CHID1: variants seen among roughly 807,000 people sequenced by gnomAD.
The protein encoded by CHID1 is chitinase domain-containing protein 1.
In CHID1, 44 loss-of-function variants were observed where a neutral mutation model predicts 55.4. That is an observed-to-expected ratio of 0.79 (90% CI 0.62 to 1.02). The LOEUF is 1.02. CHID1 is among the 50% of genes least tolerant of loss of function. The pLI, the probability that CHID1 is intolerant of heterozygous loss-of-function variation, is 0.00. For synonymous variants in CHID1, 216 were observed against 212.9 expected (o/e 1.01, Z -0.13); for missense variants, 491 against 515.3 (o/e 0.95, Z 0.46).
At chr11:890,027 C>T (rs560929192) in intron 8 of CHID1, among the ~76,000 whole-genome samples, 7 of 152,284 alleles carry the variant, frequency 4.6e-5, no homozygotes, top group South Asian at 4.1e-4. Context: ...AGGCCTAGCC[C>T]GCTCCCCATG....
In CHID1 at chr11:877,891, G is replaced by A. The variant is rs559319444; in HGVS notation, c.959+5257C>T. ...CCTTTAGAAGGTGACTGGGTCATGA[G>A]GGCTCCGCCCTGGTGAACGGATTAA... On this transcript the variant is annotated intron_variant, in intron 10 of 12. Transcript: ENST00000323578. Among the ~76,000 whole-genome samples, 7 of 152,330 alleles carry A rather than the reference G, an allele frequency of 4.6e-5. No homozygotes were observed. The South Asian group carries it at 1.4e-3, about 32-fold the overall frequency.
intron 10 of CHID1, among the ~76,000 whole-genome samples, chr11:877,477 C>G (rs1849592972): frequency 6.6e-6 from 1 of 152,310 alleles, no homozygotes; most frequent in Non-Finnish European, 1.5e-5. Flanking sequence ...AACCCCTGGG[C>G]TCAAGCAATC....
chr11:908,678 C>A, intron 1 of CHID1: 4 of 926,686 alleles, frequency 4.3e-6, no homozygotes, highest in Non-Finnish European at 5.2e-6. Flanking sequence ...GAATGAAAAA[C>A]CAAACGGTGG....
intron 8 of CHID1, among the ~76,000 whole-genome samples, chr11:886,194 T>G: frequency 7.0e-6 from 1 of 142,330 alleles, no homozygotes; most frequent in African/African-American, 2.6e-5. Context: ...GTGTGATGGC[T>G]CACACCTGTA....
intron 5 of CHID1, among the ~76,000 whole-genome samples, 179 bp downstream of exon 5, chr11:900,757 A>C (rs984860551): frequency 3.3e-5 from 5 of 152,348 alleles, no homozygotes; most frequent in South Asian, 2.1e-4. Context: ...TCAGGACTCC[A>C]GCCAGACTAA....
chr11:869,806 C>T lies in CHID1; in HGVS notation c.*52G>A. On this transcript the variant is annotated 3_prime_UTR_variant, in exon 13 of 13. Coordinates refer to ENST00000323578, the MANE Select transcript of CHID1 (RefSeq NM_023947.4). ...GGCCTGTATTTCACACCTGCTCACT[C>T]ACTCCATGGCTTAGAAAAGAACACG... The T allele has an allele frequency of 6.6e-7, 1 of 1,510,034 alleles. No individual in the cohort carries two copies. Among genetic ancestry groups the T allele is most frequent in the East Asian group, 2.3e-5 (1 of 44,276 alleles). 93.5% of individuals were successfully genotyped at this position (1,510,034 alleles called of 1,614,324 possible). A position where few individuals can be genotyped will look rare whatever the true frequency, so the allele number is the denominator to read the frequency against.
chr11:877,023 C>T (rs1163018031), intron 10 of CHID1, among the ~76,000 whole-genome samples: 1 of 152,130 alleles, frequency 6.6e-6, no homozygotes, highest in South Asian at 2.1e-4. Flanking sequence ...AACAAGGGCA[C>T]TTCGGGTGGG....
At chr11:880,462 G>A (rs536079296) in intron 10 of CHID1, among the ~76,000 whole-genome samples, 6 of 152,206 alleles carry the variant, frequency 3.9e-5, no homozygotes, top group Non-Finnish European at 7.3e-5. Flanking sequence ...TGCACGTAGA[G>A]TGTCGGGGGA....
Position 879,125 on chromosome 11 carries a change from T to C in CHID1, c.959+4023A>G, listed in dbSNP as rs192787147. On this transcript the variant is annotated intron_variant, in intron 10 of 12. Transcript: ENST00000323578. ...CCTCCCAAAGTGCTGGGATTACAGG[T>C]GTGAGCCACAGTGTCCGGTCACACC... is the stretch of plus-strand genomic sequence containing the variant. Among the ~76,000 whole-genome samples the C allele has an allele frequency of 2.2e-3, 330 of 152,278 alleles. 2 individuals are homozygous for C. The highest frequency in any genetic ancestry group is 7.7e-3 in the African/African-American group (318 of 41,554).
At chr11:902,925 C>T in intron 3 of CHID1, 37 bp downstream of exon 3, 5 of 1,596,046 alleles carry the variant, frequency 3.1e-6, no homozygotes, top group Non-Finnish European at 4.3e-6. Flanking sequence ...ACCTGAGCCT[C>T]AGGACCTCCC....
Position 868,449 on chromosome 11 carries a change from C to G in CHID1, c.*1409G>C, listed in dbSNP as rs1158372492. On this transcript the variant is annotated 3_prime_UTR_variant, in exon 13 of 13. Transcript: ENST00000323578. The stretch of plus-strand genomic sequence containing the variant: ...AGAGACGGGGTTTCACCATGTTGCC[C>G]AGCGTTCCTCCCGCCACGGCTTTCC... 1 of 152,134 alleles carries G rather than the reference C, an allele frequency of 6.6e-6. No homozygotes were observed. Among genetic ancestry groups the G allele is most frequent in the African/African-American group, 2.4e-5 (1 of 41,424 alleles). The allele number at this position is 152,134 out of a possible 1,614,324, so 9.4% of individuals were successfully genotyped here.
intron 8 of CHID1, among the ~76,000 whole-genome samples, chr11:885,154 C>T (rs914924482): frequency 1.3e-5 from 2 of 152,212 alleles, no homozygotes; most frequent in South Asian, 2.1e-4. Flanking sequence ...GCCCTGATCT[C>T]CCTCAGTTGT....
intron 10 of CHID1, among the ~76,000 whole-genome samples, chr11:876,197 G>A (rs746609771): frequency 3.9e-5 from 6 of 152,294 alleles, no homozygotes; most frequent in East Asian, 3.9e-4. Context: ...AGGGAGAAGA[G>A]CCCCAGCTTC....
At chr11:889,808 A>G (rs372688647) in intron 8 of CHID1, among the ~76,000 whole-genome samples, 1 of 152,156 alleles carries the variant, frequency 6.6e-6, no homozygotes, top group East Asian at 1.9e-4. Flanking sequence ...TGCTGGCATC[A>G]CTGTCCCTGC....
Position 870,127 on chromosome 11 carries a change from G to A in CHID1, c.1077C>T (p.Thr359=), listed in dbSNP as rs1393918370. The A allele has an allele frequency of 6.2e-7, 1 of 1,613,042 alleles. No homozygotes were observed. Among genetic ancestry groups the A allele is most frequent in the Non-Finnish European group, 8.5e-7 (1 of 1,179,960 alleles). The change falls in exon 12 of 13, where the codon ACC becomes ACT. Residue 359 remains threonine (T), a synonymous_variant. Transcript: ENST00000323578. ...CGGCTGGCAGCACACGCACCTTCAG[G>A]GTTGGGTAGAAGACGACGTGCCTCC... The part of the protein sequence containing the change: ...RSGRHVVFYP[T]LKSLQVRLEL...
At chr11:908,646 C>G (rs1210003208) in intron 1 of CHID1, 10 of 983,920 alleles carry the variant, frequency 1.0e-5, no homozygotes, top group Non-Finnish European at 1.1e-5. Flanking sequence ...GGGTGGAAAT[C>G]TGGGTCAGGG....
In CHID1 at chr11:886,551, C is replaced by CCTA. The variant is rs796794322; in HGVS notation, c.702-2383_702-2382insTAG. On this transcript the variant is annotated intron_variant, in intron 8 of 12. Coordinates refer to ENST00000323578, the MANE Select transcript of CHID1 (RefSeq NM_023947.4). ...ATGCGATGGTTTCTGGAGACGGGGC[C>CCTA]TTTAGGAGGTGATTAGAGCTAGACG... 1.2e-4 allele frequency among the ~76,000 whole-genome samples: 18 copies of CCTA among 152,282 alleles called. No individual in the cohort carries two copies. The East Asian group carries it at 2.9e-3, about 24-fold the overall frequency.
At chr11:886,332 G>A (rs1359394134) in intron 8 of CHID1, among the ~76,000 whole-genome samples, 2 of 151,838 alleles carry the variant, frequency 1.3e-5, no homozygotes, top group Non-Finnish European at 2.9e-5. Flanking sequence ...GGTGGTATGT[G>A]CCTGTAGTCC....
At chr11:900,794 G>A (rs1055694547) in intron 5 of CHID1, 142 bp downstream of exon 5, 38 of 655,680 alleles carry the variant, frequency 5.8e-5, no homozygotes, top group Non-Finnish European at 8.8e-5. Flanking sequence ...GCCAGGGCCA[G>A]CCTCATCTCT....
Sources: allele counts gnomAD v4.1 joint callset (sites outside exome capture counted in the v4.1 genomes callset), GRCh38; gene constraint gnomAD v4.1.1; transcripts MANE v1.5; gene names NCBI Gene and HGNC (gene_info 2026-07-23, HGNC 2026-07-21).